Variants in TTC3 observed in about 807,000 individuals in gnomAD.
TTC3 encodes E3 ubiquitin-protein ligase TTC3.
TTC3 carries 180 observed loss-of-function variants against 249.6 expected under a neutral mutation model. The observed-to-expected ratio is 0.72, with a 90% CI of 0.64 to 0.82. The LOEUF (loss-of-function observed/expected upper bound fraction) is 0.82. TTC3 is among the 40% of genes least tolerant of loss of function. TTC3 has a pLI of 0.00. For missense variants in TTC3, 2,061 were observed against 2,398.4 expected, an observed-to-expected ratio of 0.86 and a Z score of 2.94; for synonymous variants, 717 against 805.0, an observed-to-expected ratio of 0.89 and a Z score of 1.85.
Position 37,156,644 on chromosome 21 carries a change from T to G in TTC3, c.2741-11T>G. The stretch of plus-strand genomic sequence containing the variant: ...CCTCCTCTTCTGATTTGGGTTTTGT[T>G]TTTATTACAGGCTTAGATGCCACAG... On this transcript the variant is annotated splice_polypyrimidine_tract_variant and intron_variant, in intron 27 of 45. Transcript: ENST00000355666. 6 of 1,592,320 alleles carry G rather than the reference T, an allele frequency of 3.8e-6. No individual in the cohort carries two copies. In the South Asian group the frequency reaches 6.9e-5, roughly 18 times the overall value.
intron 35 of TTC3, among the ~76,000 whole-genome samples, chr21:37,178,051 A>G (rs567083274): frequency 1.3e-5 from 2 of 152,330 alleles, no homozygotes; most frequent in South Asian, 2.1e-4. Context: ...TTTTGTATAA[A>G]TGGATCATGT....
chr21:37,201,730 A>T (rs776098937), exon 46 of TTC3: 3 of 947,604 alleles, frequency 3.2e-6, no homozygotes, highest in Non-Finnish European at 4.6e-6. Flanking sequence ...ATATTAAGTA[A>T]TTTCCCCACT....
chr21:37,148,775 G>A (rs2079200524), intron 23 of TTC3, 128 bp downstream of exon 23: 1 of 621,318 alleles, frequency 1.6e-6, no homozygotes, highest in Non-Finnish European at 2.6e-6. Flanking sequence ...TAATAATAAA[G>A]TGGAAAATCA....
intron 45 of TTC3, 125 bp from the exon 46 acceptor site, chr21:37,201,315 G>A: frequency 8.3e-7 from 1 of 1,200,760 alleles, no homozygotes; most frequent in Non-Finnish European, 1.2e-6. Context: ...TGAGTATTGG[G>A]CAGCTCCAGG....
intron 1 of TTC3, among the ~76,000 whole-genome samples, chr21:37,079,309 T>C (rs375357498): frequency 1.3e-5 from 2 of 152,192 alleles, no homozygotes; most frequent in East Asian, 1.9e-4. Flanking sequence ...TCTTTTTCTG[T>C]TCCCTGGGAG....
intron 42 of TTC3, 132 bp from the exon 43 acceptor site, chr21:37,197,438 G>A (rs1337480125): frequency 1.9e-6 from 2 of 1,067,234 alleles, no homozygotes; most frequent in African/African-American, 3.2e-5. Context: ...TGTTATCAGT[G>A]GTCTTCAGAT....
chr21:37,197,878 G>A lies in TTC3; in HGVS notation c.5707-4G>A, dbSNP rs113461593. 1.0e-4 allele frequency: 167 copies of A among 1,608,484 alleles called. 1 individual carries two copies. In the Middle Eastern group the frequency reaches 8.1e-3, roughly 78 times the overall value. ...CCTCCCCGCCACCCCTGTTATTTTCGCAGCCAAACCCAGGAAAGGACAAGA... is the reference window on the plus strand; with the variant it reads ...CCTCCCCGCCACCCCTGTTATTTTCACAGCCAAACCCAGGAAAGGACAAGA... On this transcript the variant is annotated splice_region_variant and splice_polypyrimidine_tract_variant and intron_variant, in intron 43 of 45. Coordinates refer to ENST00000355666, the Ensembl canonical transcript of TTC3.
At chr21:37,175,810 G>A (rs575120329) in intron 35 of TTC3, among the ~76,000 whole-genome samples, 6 of 150,544 alleles carry the variant, frequency 4.0e-5, no homozygotes, top group Admixed American at 6.6e-5. Context: ...TTGCTCTGTC[G>A]CCCAGGCTGG....
At chr21:37,183,015 A>T in intron 36 of TTC3, 102 bp downstream of exon 36, 1 of 1,046,498 alleles carries the variant, frequency 9.6e-7, no homozygotes, top group Non-Finnish European at 1.3e-6. Flanking sequence ...TACATCAAGT[A>T]AAGTAAAAAT....
intron 10 of TTC3, chr21:37,098,465 T>G (rs1423524805): frequency 6.6e-6 from 1 of 152,442 alleles, no homozygotes; most frequent in African/African-American, 2.4e-5. Flanking sequence ...AGCTAGGTAG[T>G]TTGGTGAGGT....
intron 14 of TTC3, 42 bp from the exon 15 acceptor site, chr21:37,126,038 G>A: frequency 7.4e-7 from 1 of 1,358,964 alleles, no homozygotes; most frequent in East Asian, 2.3e-5. Context: ...TCATGGCTGG[G>A]TTGTTTTTTT....
At chr21:37,170,259 C>A (rs548800962) in intron 34 of TTC3, among the ~76,000 whole-genome samples, 4 of 152,094 alleles carry the variant, frequency 2.6e-5, no homozygotes, top group Non-Finnish European at 4.4e-5. Context: ...TCCTTAACAA[C>A]AAAGTTTCTA....
intron 6 of TTC3, chr21:37,090,520 G>T: frequency 2.2e-6 from 2 of 890,938 alleles, no homozygotes; most frequent in Non-Finnish European, 2.7e-6. Context: ...TATTTTACAA[G>T]TTGATTCTTT....
intron 14 of TTC3, among the ~76,000 whole-genome samples, chr21:37,125,424 G>T (rs1386872252): frequency 6.6e-6 from 1 of 152,136 alleles, no homozygotes; most frequent in Admixed American, 6.6e-5. Context: ...TACTGACTAT[G>T]CAATTTATAT....
At chr21:37,154,497 G>A (rs868217534) in intron 27 of TTC3, among the ~76,000 whole-genome samples, 14 of 152,132 alleles carry the variant, frequency 9.2e-5, no homozygotes, top group Non-Finnish European at 1.6e-4. Context: ...TATCAAGTAA[G>A]CAAATTATAA....
At chr21:37,087,477 G>A in intron 2 of TTC3, 76 bp downstream of exon 2, 3 of 1,557,230 alleles carry the variant, frequency 1.9e-6, no homozygotes, top group Non-Finnish European at 1.7e-6. Flanking sequence ...TCTGAGTAAA[G>A]ATGTTTTTGT....
intron 21 of TTC3, among the ~76,000 whole-genome samples, chr21:37,145,358 T>C (rs566377796): frequency 4.6e-5 from 7 of 152,194 alleles, no homozygotes; most frequent in African/African-American, 9.7e-5. Context: ...AACGAAGATA[T>C]ACAAATGGCC....
At chr21:37,138,667 G>A (rs1222536865) in exon 19 of TTC3, 2 of 1,612,482 alleles carry the variant, frequency 1.2e-6, no homozygotes, top group East Asian at 4.5e-5. Context: ...CTATGTTTTG[G>A]TCGTCTATGG....
chr21:37,200,541 A>G (rs1198707549), intron 45 of TTC3, among the ~76,000 whole-genome samples: 1 of 152,152 alleles, frequency 6.6e-6, no homozygotes, highest in South Asian at 2.1e-4. Context: ...CCTTGTGGGG[A>G]GAGGGGAACA....
Sources: gnomAD v4.1 joint callset for allele counts (sites outside exome capture counted in the v4.1 genomes callset) on GRCh38, gnomAD v4.1.1 for gene constraint, MANE v1.5 for transcripts, NCBI Gene and HGNC (gene_info 2026-07-23, HGNC 2026-07-21) for gene names.